The following FOXN2 variants were observed in gnomAD, a reference collection of about 807,000 sequenced individuals.
The protein encoded by FOXN2 is forkhead box protein N2.
FOXN2 carries 19 observed loss-of-function variants against 41.2 expected under a neutral mutation model. The observed-to-expected ratio is 0.46, with a 90% confidence interval of 0.32 to 0.68. FOXN2 has a LOEUF of 0.68. Among genes scored for constraint, FOXN2 ranks in the 30% least tolerant of loss-of-function variants. FOXN2 has a pLI of 0.03. For synonymous variants in FOXN2, 195 were observed against 176.8 expected, an observed-to-expected ratio of 1.10 and a Z score of -0.82; for missense variants, 587 against 509.4, an observed-to-expected ratio of 1.15 and a Z score of -1.47.
chr2:48,353,506 T>C (rs58012056), intron 3 of FOXN2, among the ~76,000 whole-genome samples: 1 of 151,158 alleles, frequency 6.6e-6, no homozygotes, highest in African/African-American at 2.4e-5. Flanking sequence ...AGGGAAGATA[T>C]GAGAGCTCTC....
intron 5 of FOXN2, among the ~76,000 whole-genome samples, chr2:48,364,739 A>G (rs1480515097): frequency 1.3e-5 from 2 of 152,254 alleles, no homozygotes; most frequent in African/African-American, 4.8e-5. Flanking sequence ...ATGGTTTTAC[A>G]TTTGTAAAAT....
intron 1 of FOXN2, among the ~76,000 whole-genome samples, chr2:48,316,231 C>T (rs1668911623): frequency 2.0e-5 from 3 of 152,078 alleles, no homozygotes; most frequent in African/African-American, 7.2e-5. Context: ...TGTATACCGA[C>T]GTTTTTTGCC....
intron 3 of FOXN2, among the ~76,000 whole-genome samples, chr2:48,357,782 G>C (rs1275856665): frequency 6.7e-6 from 1 of 148,964 alleles, no homozygotes; most frequent in Non-Finnish European, 1.5e-5. Flanking sequence ...TTTATCATTT[G>C]GTCCAGGTGA....
chr2:48,371,409 G>C (rs1672887309), intron 5 of FOXN2, among the ~76,000 whole-genome samples: 1 of 151,892 alleles, frequency 6.6e-6, no homozygotes, highest in Non-Finnish European at 1.5e-5. Context: ...AAAAAAAATA[G>C]TTGGCTGTAA....
chr2:48,367,758 T>G (rs1185212266), intron 5 of FOXN2, among the ~76,000 whole-genome samples: 1 of 152,234 alleles, frequency 6.6e-6, no homozygotes, highest in Non-Finnish European at 1.5e-5. Flanking sequence ...TGAATTGTTT[T>G]TAATTATTTT....
intron 2 of FOXN2, 65 bp from the exon 3 acceptor site, chr2:48,346,136 A>G: frequency 7.2e-7 from 1 of 1,391,966 alleles, no homozygotes; most frequent in Non-Finnish European, 9.8e-7. Context: ...TTACATATGT[A>G]TTTTCTTTTT....
intron 5 of FOXN2, among the ~76,000 whole-genome samples, chr2:48,370,155 T>C (rs1408179813): frequency 6.6e-6 from 1 of 152,220 alleles, no homozygotes; most frequent in East Asian, 1.9e-4. Context: ...CACATTCCAT[T>C]CGTCTAGCTG....
In FOXN2 at chr2:48,328,643, G is replaced by A. The variant is rs1669836610; in HGVS notation, c.-74G>A. 1 of 152,128 alleles carries A rather than the reference G, an allele frequency of 6.6e-6. No individual in the cohort carries two copies. Among genetic ancestry groups the A allele is most frequent in the Non-Finnish European group, 1.5e-5 (1 of 68,018 alleles). The allele number at this position is 152,128 out of a possible 1,614,324, so 9.4% of individuals were successfully genotyped here. On this transcript the variant is annotated 5_prime_UTR_variant, in exon 2 of 7. It introduces an in-frame stop codon into an upstream open reading frame of the 5' UTR. Coordinates refer to ENST00000340553, the MANE Select transcript of FOXN2 (RefSeq NM_002158.4). ...TGTCAAAAAACCAAACTGCTGGTTGGCTAATAATTGGTCACTGTATGACTT... is the reference window on the plus strand; with the variant it reads ...TGTCAAAAAACCAAACTGCTGGTTGACTAATAATTGGTCACTGTATGACTT...
chr2:48,333,521 C>G (rs1003920753), intron 2 of FOXN2, among the ~76,000 whole-genome samples: 4 of 152,036 alleles, frequency 2.6e-5, no homozygotes, highest in African/African-American at 9.7e-5. Flanking sequence ...AAGAGACTTA[C>G]AAGTATTTGT....
intron 1 of FOXN2, among the ~76,000 whole-genome samples, chr2:48,325,850 T>C (rs957697701): frequency 1.4e-5 from 2 of 146,426 alleles, no homozygotes; most frequent in East Asian, 2.0e-4. Flanking sequence ...ATTTCTTTTT[T>C]TTTTTTTTTT....
intron 2 of FOXN2, among the ~76,000 whole-genome samples, chr2:48,332,440 A>G (rs1670075588): frequency 6.6e-6 from 1 of 152,208 alleles, no homozygotes; most frequent in African/African-American, 2.4e-5. Flanking sequence ...GACAAATATA[A>G]TAAGGAAGTG....
intron 2 of FOXN2, among the ~76,000 whole-genome samples, chr2:48,333,160 C>G (rs1670121419): frequency 6.6e-6 from 1 of 152,080 alleles, no homozygotes; most frequent in Admixed American, 6.5e-5. Flanking sequence ...AGACTCTAAG[C>G]ATGACAACAG....
chr2:48,358,661 A>T (rs1044509342), intron 3 of FOXN2, among the ~76,000 whole-genome samples: 3 of 152,254 alleles, frequency 2.0e-5, no homozygotes, highest in African/African-American at 7.2e-5. Context: ...ATAATAGCTT[A>T]TATCATAGAA....
intron 3 of FOXN2, among the ~76,000 whole-genome samples, chr2:48,350,464 C>A (rs1671379735): frequency 6.6e-6 from 1 of 152,190 alleles, no homozygotes; most frequent in Non-Finnish European, 1.5e-5. Flanking sequence ...TTAGCAACAG[C>A]CATCCTTTGC....
intron 2 of FOXN2, among the ~76,000 whole-genome samples, chr2:48,333,516 A>G (rs1670143516): frequency 6.6e-6 from 1 of 152,108 alleles, no homozygotes; most frequent in Non-Finnish European, 1.5e-5. Context: ...CAAAAAAGAG[A>G]CTTACAAGTA....
intron 1 of FOXN2, among the ~76,000 whole-genome samples, chr2:48,318,591 A>G (rs968965744): frequency 6.6e-6 from 1 of 152,218 alleles, no homozygotes; most frequent in Admixed American, 6.5e-5. Flanking sequence ...GAAGCAAGTC[A>G]CTAAGTACAT....
chr2:48,331,142 G>C (rs1004859802), intron 2 of FOXN2, among the ~76,000 whole-genome samples: 2 of 152,046 alleles, frequency 1.3e-5, no homozygotes, highest in Non-Finnish European at 2.9e-5. Flanking sequence ...CTGGCTCAAG[G>C]GTACAAGGAA....
rs1406878855 is a variant in FOXN2 at position 48,378,885 on chromosome 2, G to A, written c.*3442G>A. Reference sequence around the variant, plus strand: ...ATTGTCAAAACTTATTTTTTAAATCGTTGTACATTTCTTATTAAACTAAGT... The same window carrying A: ...ATTGTCAAAACTTATTTTTTAAATCATTGTACATTTCTTATTAAACTAAGT... On this transcript the variant is annotated 3_prime_UTR_variant, in exon 7 of 7. Transcript: ENST00000340553. 6.6e-5 allele frequency: 10 copies of A among 152,270 alleles called. No homozygotes were observed. Among genetic ancestry groups the A allele is most frequent in the South Asian group, 2.1e-4 (1 of 4,818 alleles). The allele number at this position is 152,270 out of a possible 1,614,324, so 9.4% of individuals were successfully genotyped here.
intron 5 of FOXN2, among the ~76,000 whole-genome samples, chr2:48,366,353 CA>C (rs372215355): frequency 0.3 from 27,860 of 92,172 alleles, 2,514 homozygotes; most frequent in East Asian, 0.51. Context: ...AGTGAGACTC[CA>C]AAAAAAAAAA....
Sources: allele counts gnomAD v4.1 joint callset (sites outside exome capture counted in the v4.1 genomes callset), GRCh38; gene constraint gnomAD v4.1.1; transcripts MANE v1.5; gene names NCBI Gene and HGNC (gene_info 2026-07-23, HGNC 2026-07-21).